RBFOX1: variants seen among roughly 807,000 people sequenced by gnomAD.
RBFOX1 encodes RNA binding fox-1 homolog 1.
Under a neutral mutation model 57.7 loss-of-function variants are expected in RBFOX1, and 8 were observed. The ratio of observed to expected loss-of-function variants is 0.14; its 90% CI spans 0.08 to 0.25. The LOEUF (loss-of-function observed/expected upper bound fraction) is 0.25, where lower values mean the gene tolerates loss of function less well. RBFOX1 is among the 10% of genes least tolerant of loss of function. RBFOX1 has a pLI of 1.00. For missense variants in RBFOX1, 611 were observed against 548.5 expected, an observed-to-expected ratio of 1.11 and a Z score of -1.14; for synonymous variants, 326 against 222.4, an observed-to-expected ratio of 1.47 and a Z score of -4.15.
At chr16:6,272,554 C>T (rs942688799) in intron 1 of RBFOX1, among the ~76,000 whole-genome samples, 17 of 152,040 alleles carry the variant, frequency 1.1e-4, no homozygotes, top group African/African-American at 3.6e-4. Flanking sequence ...GTAAAAATCC[C>T]GGTAAGCTTT....
chr16:7,122,175 A>G (rs979307129), intron 4 of RBFOX1, among the ~76,000 whole-genome samples: 4 of 152,178 alleles, frequency 2.6e-5, no homozygotes, highest in Non-Finnish European at 5.9e-5. Flanking sequence ...AAAATTGTTA[A>G]TAAATTATAT....
At chr16:5,986,981 T>C (rs1005642610) in intron 4 of RBFOX1, among the ~76,000 whole-genome samples, 9 of 152,238 alleles carry the variant, frequency 5.9e-5, no homozygotes, top group Admixed American at 2.0e-4. Context: ...CGGTTTTACA[T>C]TCCTAGTGGC....
chr16:5,491,614 C>T (rs1187202284), intron 2 of RBFOX1, among the ~76,000 whole-genome samples: 1 of 152,110 alleles, frequency 6.6e-6, no homozygotes, highest in Non-Finnish European at 1.5e-5. Flanking sequence ...CTGATGAATC[C>T]TCAGTGATTT....
At position 7,330,793 on chromosome 16, in the gene RBFOX1, G is replaced by T. The variant is rs186552526; in HGVS notation, c.28-187354G>T. 6.2e-4 allele frequency among the ~76,000 whole-genome samples: 95 copies of T among 152,174 alleles called. 4 individuals carry two copies. In the South Asian group the frequency reaches 0.019, roughly 31 times the overall value. On this transcript the variant is annotated intron_variant, in intron 4 of 15. Coordinates refer to ENST00000550418, the MANE Select transcript of RBFOX1 (RefSeq NM_018723.4). ...TAAAGAGACAATTTGATCTGACACA[G>T]GCCTTACCTAAGTAAGTAAGAGCTC...
At chr16:7,064,026 G>C (rs1372821582) in intron 4 of RBFOX1, among the ~76,000 whole-genome samples, 1 of 152,130 alleles carries the variant, frequency 6.6e-6, no homozygotes, top group Non-Finnish European at 1.5e-5. Flanking sequence ...GTTGTGTCCT[G>C]ACAAAAGTCA....
intron 10 of RBFOX1, among the ~76,000 whole-genome samples, chr16:7,619,450 T>C (rs942976826): frequency 3.9e-5 from 6 of 152,104 alleles, no homozygotes; most frequent in Non-Finnish European, 8.8e-5. Flanking sequence ...GATTGAAAGG[T>C]GACGTGTATT....
intron 3 of RBFOX1, among the ~76,000 whole-genome samples, chr16:6,996,722 C>T (rs1320589653): frequency 6.6e-6 from 1 of 152,162 alleles, no homozygotes; most frequent in Admixed American, 6.5e-5. Context: ...GTGCTTCATA[C>T]AAATAATGCT....
intron 4 of RBFOX1, among the ~76,000 whole-genome samples, chr16:7,459,347 G>A (rs4787019): frequency 0.94 from 143,466 of 152,312 alleles, 67,591 homozygotes; most frequent in East Asian, 1. Flanking sequence ...ATGGGCAATT[G>A]TTACCTTGCA....
At chr16:5,732,081 A>G (rs147577365) in intron 3 of RBFOX1, among the ~76,000 whole-genome samples, 1 of 152,310 alleles carries the variant, frequency 6.6e-6, no homozygotes, top group East Asian at 1.9e-4. Flanking sequence ...CTAATGAATA[A>G]ATGATATTCC....
chr16:6,352,340 A>G (rs1221391389), intron 2 of RBFOX1, among the ~76,000 whole-genome samples: 7 of 152,190 alleles, frequency 4.6e-5, no homozygotes, highest in African/African-American at 1.7e-4. Flanking sequence ...CCCATCATAG[A>G]TAAACTATCC....
At chr16:6,219,600 C>A (rs750165858) in intron 1 of RBFOX1, among the ~76,000 whole-genome samples, 1 of 151,460 alleles carries the variant, frequency 6.6e-6, no homozygotes, top group Admixed American at 6.6e-5. Flanking sequence ...ATAGGCTGAG[C>A]GTGGTGGCTC....
At chr16:5,622,426 T>G (rs1419441882) in intron 3 of RBFOX1, among the ~76,000 whole-genome samples, 1 of 152,226 alleles carries the variant, frequency 6.6e-6, no homozygotes, top group Non-Finnish European at 1.5e-5. Context: ...CCTGGCGTAG[T>G]AAGCCCTTGG....
At chr16:7,217,984 G>A (rs1372068148) in intron 4 of RBFOX1, among the ~76,000 whole-genome samples, 1 of 151,554 alleles carries the variant, frequency 6.6e-6, no homozygotes, top group Non-Finnish European at 1.5e-5. Flanking sequence ...GTGTGTGCAT[G>A]TGCATGTGTG....
chr16:6,290,377 A>G (rs1048977874), intron 1 of RBFOX1, among the ~76,000 whole-genome samples: 5 of 151,246 alleles, frequency 3.3e-5, no homozygotes, highest in Non-Finnish European at 7.4e-5. Context: ...TTGTGACCAT[A>G]GCATTTTTGG....
intron 4 of RBFOX1, among the ~76,000 whole-genome samples, chr16:5,932,564 T>G (rs143133980): frequency 1.3e-5 from 2 of 152,310 alleles, no homozygotes; most frequent in East Asian, 3.9e-4. Flanking sequence ...TTTGAGCTCC[T>G]AAGGTTGTCG....
chr16:7,302,507 C>T (rs528406370), intron 4 of RBFOX1, among the ~76,000 whole-genome samples: 1 of 152,080 alleles, frequency 6.6e-6, no homozygotes, highest in South Asian at 2.1e-4. Context: ...TGTGAGAGAG[C>T]CCCCATCCCC....
chr16:6,082,924 C>T (rs2096026725), intron 1 of RBFOX1, among the ~76,000 whole-genome samples: 1 of 152,180 alleles, frequency 6.6e-6, no homozygotes, highest in African/African-American at 2.4e-5. Flanking sequence ...TCTACAGACT[C>T]ACCCAATCAC....
intron 2 of RBFOX1, among the ~76,000 whole-genome samples, chr16:6,536,814 A>G (rs1459390045): frequency 6.6e-6 from 1 of 152,206 alleles, no homozygotes; most frequent in Non-Finnish European, 1.5e-5. Context: ...GGCCAAGTTC[A>G]GTGGTGCATT....
chr16:7,136,526 C>A (rs112346743), intron 4 of RBFOX1, among the ~76,000 whole-genome samples: 1 of 151,124 alleles, frequency 6.6e-6, no homozygotes, highest in Admixed American at 6.6e-5. Flanking sequence ...CTAACCTCAT[C>A]CGCTCGAGTA....
Sources: allele counts gnomAD v4.1 joint callset (sites outside exome capture counted in the v4.1 genomes callset), GRCh38; gene constraint gnomAD v4.1.1; transcripts MANE v1.5; gene names NCBI Gene and HGNC (gene_info 2026-07-23, HGNC 2026-07-21).